EIF3K: variants seen among roughly 807,000 people sequenced by gnomAD.
EIF3K encodes eukaryotic translation initiation factor 3 subunit K.
A neutral mutation model predicts 34.2 loss-of-function variants in EIF3K; 27 were observed. The ratio of observed to expected loss-of-function variants is 0.79; its 90% confidence interval spans 0.58 to 1.09. The LOEUF is 1.09. Among genes scored for constraint, EIF3K ranks in the 50% least tolerant of loss-of-function variants. EIF3K has a pLI of 0.00. For synonymous variants in EIF3K, 105 were observed against 105.7 expected, an observed-to-expected ratio of 0.99 and a Z score of 0.04; for missense variants, 232 against 275.4, an observed-to-expected ratio of 0.84 and a Z score of 1.11.
chr19:38,636,249 A>C (rs1327887235), intron 7 of EIF3K, among the ~76,000 whole-genome samples: 1 of 152,150 alleles, frequency 6.6e-6, no homozygotes, highest in Admixed American at 6.5e-5. Flanking sequence ...AAGGAGGAGG[A>C]AGGTGTGAAT....
At chr19:38,635,217 G>A in intron 7 of EIF3K, 99 bp downstream of exon 7, 3 of 1,547,126 alleles carry the variant, frequency 1.9e-6, no homozygotes, top group South Asian at 1.1e-5. Context: ...ATCTGCTCGT[G>A]TTCTGGGCTG....
At chr19:38,634,898 C>A in intron 6 of EIF3K, 95 bp from the exon 7 acceptor site, 1 of 1,562,030 alleles carries the variant, frequency 6.4e-7, no homozygotes, top group East Asian at 2.3e-5. Flanking sequence ...GGGGGGCTGC[C>A]CTGGCTTCCT....
intron 6 of EIF3K, 56 bp downstream of exon 6, chr19:38,632,734 T>TGGAC: frequency 6.6e-7 from 1 of 1,505,520 alleles, no homozygotes; most frequent in Non-Finnish European, 9.0e-7. Context: ...GCTAGGGCAG[T>TGGAC]GGACCTCAGT....
In EIF3K at chr19:38,619,268, C is replaced by A; in HGVS notation, c.-1C>A. On this transcript the variant is annotated 5_prime_UTR_variant, in exon 1 of 8. Coordinates refer to ENST00000248342, the MANE Select transcript of EIF3K (RefSeq NM_013234.4). ...CCTGGTTGTGGAAGGCGACAGAAGTCATGGCGATGTTTGAGCAGATGAGAG... is the reference window on the plus strand; with the variant it reads ...CCTGGTTGTGGAAGGCGACAGAAGTAATGGCGATGTTTGAGCAGATGAGAG... The A allele has an allele frequency of 1.2e-6, 2 of 1,613,994 alleles. No homozygotes were observed. Among genetic ancestry groups the A allele is most frequent in the South Asian group, 1.1e-5 (1 of 91,054 alleles).
chr19:38,636,270 T>C (rs1302910902), intron 7 of EIF3K, among the ~76,000 whole-genome samples: 1 of 152,102 alleles, frequency 6.6e-6, no homozygotes, highest in Non-Finnish European at 1.5e-5. Context: ...CTCAGGGAAG[T>C]AGGAGCCCAG....
chr19:38,632,139 G>T (rs1278996981), intron 4 of EIF3K: 1 of 372,294 alleles, frequency 2.7e-6, no homozygotes, highest in Non-Finnish European at 5.0e-6. Flanking sequence ...GTGTAGGCTG[G>T]GAGTGGTGGC....
At chr19:38,622,365 G>C (rs1322584892) in intron 2 of EIF3K, among the ~76,000 whole-genome samples, 1 of 152,176 alleles carries the variant, frequency 6.6e-6, no homozygotes, top group East Asian at 1.9e-4. Context: ...GCGTCCGGGG[G>C]AGACATCACA....
rs771318333 is a variant in EIF3K at position 38,624,196 on chromosome 19, A to G, written c.278A>G (p.His93Arg). 8.1e-6 allele frequency: 13 copies of G among 1,614,040 alleles called. No homozygotes were observed. Among genetic ancestry groups the G allele is most frequent in the South Asian group, 3.3e-5 (3 of 91,090 alleles). ...TGCAAGTGCATGATCGACCAGGCACATGTATCCTTCCAGCACTGGGGCCGG... is the reference window on the plus strand; with the variant it reads ...TGCAAGTGCATGATCGACCAGGCACGTGTATCCTTCCAGCACTGGGGCCGG... The part of the protein sequence containing the change: ...TLCKCMIDQA[H>R]QEERPIRQIL... The change falls in exon 3 of 8, where the codon CAT becomes CGT. Residue 93 changes from histidine to arginine, a missense_variant and splice_region_variant. By Grantham distance (29) the His-to-Arg change is conservative. Coordinates refer to ENST00000248342, the MANE Select transcript of EIF3K (RefSeq NM_013234.4).
In EIF3K at chr19:38,635,018, C is replaced by T. The variant is rs1976159242; in HGVS notation, c.525C>T (p.Ser175=). 6.2e-7 allele frequency: 1 copy of T among 1,614,136 alleles called. No individual in the cohort carries two copies. Among genetic ancestry groups the T allele is most frequent in the East Asian group, 2.2e-5 (1 of 44,884 alleles). The change falls in exon 7 of 8, where the codon AGC becomes AGT. Residue 175 remains serine, a synonymous_variant. Transcript: ENST00000248342. ...LSDSQLKVWM[S]KYGWSADESG... is the part of the protein sequence containing the mutation. ...ACAGCCAGCTAAAGGTGTGGATGAG[C>T]AAATACGGCTGGAGTGCCGACGAGT...
At chr19:38,629,267 G>GTTTTGTTTTGTTTTGT (rs1555816064) in intron 4 of EIF3K, among the ~76,000 whole-genome samples, 6 of 148,832 alleles carry the variant, frequency 4.0e-5, no homozygotes, top group African/African-American at 1.3e-4. Flanking sequence ...TTTTTTGTTT[G>GTTTTGTTTTGTTTTGT]TTTGTTTTGT....
At position 38,624,104 on chromosome 19, in the gene EIF3K, G is replaced by A. The variant is rs551773173; in HGVS notation, c.186G>A (p.Gln62=). ...KLYQFNPAFF[Q]TTVTAQILLK... ...ACCAGTTCAACCCAGCCTTCTTTCA[G>A]ACCACGGTCACCGCCCAGATCCTGC... The change falls in exon 3 of 8, where the codon CAG becomes CAA. Residue 62 remains glutamine (Q), a synonymous_variant. Transcript: ENST00000248342. 6.2e-7 allele frequency: 1 copy of A among 1,614,024 alleles called. No individual in the cohort carries two copies. Among genetic ancestry groups the A allele is most frequent in the East Asian group, 2.2e-5 (1 of 44,896 alleles).
chr19:38,621,737 C>T (rs1975844882), intron 2 of EIF3K, among the ~76,000 whole-genome samples: 1 of 152,156 alleles, frequency 6.6e-6, no homozygotes, highest in Non-Finnish European at 1.5e-5. Flanking sequence ...ATTTGCTACT[C>T]AGCACTGGGT....
At chr19:38,624,331 C>A in intron 3 of EIF3K, 134 bp downstream of exon 3, 1 of 1,362,898 alleles carries the variant, frequency 7.3e-7, no homozygotes, top group Non-Finnish European at 9.9e-7. Flanking sequence ...TGGCAAGGTG[C>A]TGGACAGTGC....
chr19:38,635,330 T>G, intron 7 of EIF3K: 1 of 678,804 alleles, frequency 1.5e-6, no homozygotes, highest in Admixed American at 2.8e-5. Flanking sequence ...TTCTAGGCCC[T>G]GTGTCCTGCC....
At chr19:38,620,220 G>T in intron 1 of EIF3K, 117 bp from the exon 2 acceptor site, 1 of 772,552 alleles carries the variant, frequency 1.3e-6, no homozygotes. Context: ...CAAGTGGCCA[G>T]TGCCAGATTT....
rs950887744 is a variant in EIF3K, at chr19:38,627,675, C to CA, written c.354+1587dup. Among the ~76,000 whole-genome samples, 1,175 of 136,120 alleles carry CA rather than the reference C, an allele frequency of 8.6e-3. 13 individuals are homozygous for CA. Among genetic ancestry groups the CA allele is most frequent in the African/African-American group, 0.027 (988 of 37,256 alleles). 89.3% of individuals were successfully genotyped at this position (136,120 alleles called of 152,430 possible). ...TGGGTGACAGAGTGAGACTCCGTCT[C>CA]AAAAAAAAAAAAAATTCAGCTCCTT... On this transcript the variant is annotated intron_variant, in intron 4 of 7. Transcript: ENST00000248342.
intron 2 of EIF3K, among the ~76,000 whole-genome samples, chr19:38,623,010 T>G (rs1215470077): frequency 6.6e-6 from 1 of 152,234 alleles, no homozygotes; most frequent in African/African-American, 2.4e-5. Context: ...TGTGCAATTT[T>G]TGTAGTTAAC....
At chr19:38,619,349 G>A (rs765788701) in intron 1 of EIF3K, 22 bp downstream of exon 1, 6 of 1,613,260 alleles carry the variant, frequency 3.7e-6, no homozygotes, top group Non-Finnish European at 5.1e-6. Context: ...GTTGGAGGAA[G>A]CGCTCTGGCC....
chr19:38,631,561 G>A (rs74416224), intron 4 of EIF3K, among the ~76,000 whole-genome samples: 1 of 152,172 alleles, frequency 6.6e-6, no homozygotes, highest in South Asian at 2.1e-4. Context: ...ACATACAATC[G>A]GGTTTTACAC....
Sources: allele counts gnomAD v4.1 joint callset (sites outside exome capture counted in the v4.1 genomes callset), GRCh38; gene constraint gnomAD v4.1.1; transcripts MANE v1.5; gene names NCBI Gene and HGNC (gene_info 2026-07-23, HGNC 2026-07-21).